The following ATXN1 variants were observed in gnomAD, a reference collection of about 807,000 sequenced individuals.
The protein encoded by ATXN1 is ataxin 1, also known as ataxin-1.
Under a neutral mutation model 56.4 loss-of-function variants are expected in ATXN1, and 8 were observed. The observed-to-expected ratio is 0.14, with a 90% CI of 0.08 to 0.26. ATXN1 has a LOEUF of 0.26. ATXN1 is among the 10% of genes least tolerant of loss of function. The probability of loss-of-function intolerance (pLI) is 1.00; values close to 1 mark genes in which losing one functional copy is unlikely to be tolerated. For synonymous variants in ATXN1, 514 were observed against 494.6 expected (o/e 1.04, Z -0.52); for missense variants, 987 against 1,106.5 (o/e 0.89, Z 1.53).
chr6:16,751,200 C>A (rs1025399229), intron 2 of ATXN1, among the ~76,000 whole-genome samples: 2 of 152,034 alleles, frequency 1.3e-5, no homozygotes, highest in Non-Finnish European at 2.9e-5. Flanking sequence ...AACTCCTGAC[C>A]TCAAGTGATT....
At chr6:16,491,624 T>C (rs924957675) in intron 5 of ATXN1, among the ~76,000 whole-genome samples, 2 of 152,096 alleles carry the variant, frequency 1.3e-5, no homozygotes, top group Admixed American at 1.3e-4. Context: ...AGTTATATTA[T>C]GATAGACCAA....
intron 6 of ATXN1, among the ~76,000 whole-genome samples, chr6:16,361,233 T>C (rs1761802714): frequency 6.6e-6 from 1 of 152,084 alleles, no homozygotes; most frequent in Admixed American, 6.5e-5. Context: ...TAGTGATTAT[T>C]ACAAAATTCA....
At chr6:16,706,354 C>T (rs1174559106) in intron 2 of ATXN1, among the ~76,000 whole-genome samples, 1 of 152,036 alleles carries the variant, frequency 6.6e-6, no homozygotes, top group Non-Finnish European at 1.5e-5. Flanking sequence ...GCGCCCAATA[C>T]GTATGCAAGA....
At position 16,672,014 on chromosome 6, in the gene ATXN1, T is replaced by C. The variant is rs116969658; in HGVS notation, c.-614-14113A>G. ...CTCCAAGTGTGAGCCAAGGACCTTT[T>C]ATGTTAAATGAATCACAGGAGGGTG... is the stretch of plus-strand genomic sequence containing the variant. On this transcript the variant is annotated intron_variant, in intron 2 of 7. Coordinates refer to ENST00000436367, the MANE Select transcript of ATXN1 (RefSeq NM_001128164.2). Among the ~76,000 whole-genome samples the C allele has an allele frequency of 9.6e-3, 1,461 of 152,350 alleles. 16 individuals carry two copies. Among genetic ancestry groups the C allele is most frequent in the Middle Eastern group, 0.061 (18 of 294 alleles).
Position 16,326,360 on chromosome 6 carries a change from T to C in ATXN1, c.1917+34A>G. 1 of 1,606,516 alleles carries C rather than the reference T, an allele frequency of 6.2e-7. No homozygotes were observed. The highest frequency in any genetic ancestry group is 8.5e-7 in the Non-Finnish European group (1 of 1,176,484). ...AGATGATGATGGCATCACGGTGTGG[T>C]GTCCCATCCCTGTGCCACCCTGGCT... On this transcript the variant is annotated intron_variant, in intron 7 of 7. Coordinates refer to ENST00000436367, the MANE Select transcript of ATXN1 (RefSeq NM_001128164.2). The surrounding 1 kb of genome is among the most constrained non-coding windows in gnomAD (Gnocchi z 6.6).
chr6:16,722,237 G>T (rs900022810), intron 2 of ATXN1, among the ~76,000 whole-genome samples: 3 of 152,198 alleles, frequency 2.0e-5, no homozygotes, highest in Non-Finnish European at 4.4e-5. Context: ...TGTAAGCCAG[G>T]CAACAGGAGA....
intron 6 of ATXN1, among the ~76,000 whole-genome samples, chr6:16,425,306 T>A (rs900929188): frequency 6.6e-6 from 1 of 152,246 alleles, no homozygotes; most frequent in Admixed American, 6.5e-5. Flanking sequence ...CACCAGGCAC[T>A]TGTATTCCTC....
intron 5 of ATXN1, among the ~76,000 whole-genome samples, chr6:16,511,912 C>A (rs542143143): frequency 6.6e-6 from 1 of 152,184 alleles, no homozygotes; most frequent in African/African-American, 2.4e-5. Context: ...GTCTTTGCCA[C>A]GAGGTGGCCT....
At chr6:16,738,917 T>A (rs1176077195) in intron 2 of ATXN1, 2 of 152,232 alleles carry the variant, frequency 1.3e-5, no homozygotes, top group African/African-American at 2.4e-5. Flanking sequence ...AATTGCTGTA[T>A]CCATTCTCCA....
intron 5 of ATXN1, among the ~76,000 whole-genome samples, chr6:16,501,175 C>A (rs1466363965): frequency 1.3e-5 from 2 of 152,192 alleles, no homozygotes; most frequent in African/African-American, 2.4e-5. Flanking sequence ...AGTGAAGACT[C>A]CATTTCAGTT....
rs181869980 is a variant in ATXN1, at chr6:16,390,907, T to A, written c.-160-62437A>T. ...CAGGCGTGGTGGCTCACGCCTGTAATCCCACCACTTTGGGAGGCCGAGGCA... is the reference window on the plus strand; with the variant it reads ...CAGGCGTGGTGGCTCACGCCTGTAAACCCACCACTTTGGGAGGCCGAGGCA... On this transcript the variant is annotated intron_variant, in intron 6 of 7. Coordinates refer to ENST00000436367, the MANE Select transcript of ATXN1 (RefSeq NM_001128164.2). Among the ~76,000 whole-genome samples, 795 of 152,194 alleles carry A rather than the reference T, an allele frequency of 5.2e-3. 5 individuals carry two copies. The highest frequency in any genetic ancestry group is 0.018 in the African/African-American group (738 of 41,520).
chr6:16,555,334 C>T (rs563402502), intron 4 of ATXN1, among the ~76,000 whole-genome samples: 21 of 152,204 alleles, frequency 1.4e-4, no homozygotes, highest in East Asian at 5.8e-4. Flanking sequence ...ATACAAAAGC[C>T]GTGAACTGTA....
intron 6 of ATXN1, among the ~76,000 whole-genome samples, chr6:16,419,741 T>C (rs1024260190): frequency 2.0e-5 from 3 of 152,062 alleles, no homozygotes; most frequent in Non-Finnish European, 2.9e-5. Flanking sequence ...GCTGCCCGGG[T>C]CTGCCTTTGT....
chr6:16,438,300 C>G (rs1759434838), intron 6 of ATXN1, among the ~76,000 whole-genome samples: 1 of 152,202 alleles, frequency 6.6e-6, no homozygotes, highest in Non-Finnish European at 1.5e-5. Context: ...ACCTGACACC[C>G]AATTTCTGCC....
At chr6:16,379,056 T>C (rs1303727537) in intron 6 of ATXN1, among the ~76,000 whole-genome samples, 3 of 152,208 alleles carry the variant, frequency 2.0e-5, no homozygotes, top group African/African-American at 4.8e-5. Context: ...GTGGTACATA[T>C]ATATGATGGA....
At chr6:16,731,709 T>C (rs1759989955) in intron 2 of ATXN1, among the ~76,000 whole-genome samples, 1 of 151,984 alleles carries the variant, frequency 6.6e-6, no homozygotes, top group South Asian at 2.1e-4. Context: ...AAAAAGTACA[T>C]TTGTCATTTA....
chr6:16,447,473 C>G (rs1232062904), intron 6 of ATXN1, among the ~76,000 whole-genome samples: 1 of 152,192 alleles, frequency 6.6e-6, no homozygotes, highest in African/African-American at 2.4e-5. Context: ...ATCCACCTGC[C>G]TCAGCCTCCC....
At position 16,299,114 on chromosome 6, in the gene ATXN1, C is replaced by T. The variant is rs978733319; in HGVS notation, c.*7215G>A. The T allele has an allele frequency of 6.6e-6, 1 of 152,642 alleles. No homozygotes were observed. The highest frequency in any genetic ancestry group is 2.4e-5 in the African/African-American group (1 of 41,446). 9.5% of individuals were successfully genotyped at this position (152,642 alleles called of 1,614,324 possible). Reference sequence around the variant, plus strand: ...AACAGAAGGCAAAGACACACATCTGCAATTGGCACTGTTATTTTATTAGTA... The same window carrying T: ...AACAGAAGGCAAAGACACACATCTGTAATTGGCACTGTTATTTTATTAGTA... On this transcript the variant is annotated 3_prime_UTR_variant, in exon 8 of 8. Transcript: ENST00000436367.
chr6:16,663,667 T>C (rs1304018472), intron 2 of ATXN1, among the ~76,000 whole-genome samples: 1 of 55,190 alleles, frequency 1.8e-5, no homozygotes, highest in Non-Finnish European at 3.2e-5. Flanking sequence ...TATTTATTTA[T>C]TTATTTATTT....
Sources: gnomAD v4.1 joint callset for allele counts (sites outside exome capture counted in the v4.1 genomes callset) on GRCh38, gnomAD v4.1.1 for gene constraint, Gnocchi (gnomAD v3.1) non-coding constraint, MANE v1.5 for transcripts, NCBI Gene and HGNC (gene_info 2026-07-23, HGNC 2026-07-21) for gene names.